LDLRAD4: variants seen among roughly 807,000 people sequenced by gnomAD.
LDLRAD4 encodes low density lipoprotein receptor class A domain containing 4, also known as low-density lipoprotein receptor class A domain-containing protein 4.
Under a neutral mutation model 17.0 loss-of-function variants are expected in LDLRAD4, and 5 were observed. The ratio of observed to expected loss-of-function variants is 0.29; its 90% CI spans 0.15 to 0.62. LDLRAD4 has a LOEUF of 0.62. Ranked by LOEUF, LDLRAD4 falls within the 20% of genes least tolerant of loss-of-function variation. The probability of loss-of-function intolerance (pLI) is 0.84; values close to 1 mark genes in which losing one functional copy is unlikely to be tolerated. For missense variants in LDLRAD4, 340 were observed against 424.7 expected (o/e 0.80, Z 1.75); for synonymous variants, 168 against 171.8 (o/e 0.98, Z 0.17).
At position 13,479,195 on chromosome 18, in the gene LDLRAD4, A is replaced by G. The variant is rs186506772; in HGVS notation, c.181+40811A>G. ...CTCCTAGAAGATAACATAGGAGAAA[A>G]TCTAGATGACCTCAGGTTTGATGGT... is the stretch of plus-strand genomic sequence containing the variant. On this transcript the variant is annotated intron_variant, in intron 3 of 5. Transcript: ENST00000359446. 5.3e-5 allele frequency among the ~76,000 whole-genome samples: 8 copies of G among 152,368 alleles called. No individual in the cohort carries two copies. In the East Asian group the frequency reaches 1.5e-3, roughly 29 times the overall value.
At chr18:13,380,355 G>C (rs942622179) in intron 1 of LDLRAD4, among the ~76,000 whole-genome samples, 29 of 152,324 alleles carry the variant, frequency 1.9e-4, no homozygotes, top group African/African-American at 6.3e-4. Flanking sequence ...CTGAGCCAGT[G>C]TCTCCTGTGG....
chr18:13,281,814 G>C (rs560650006), intron 1 of LDLRAD4, among the ~76,000 whole-genome samples: 5 of 152,302 alleles, frequency 3.3e-5, no homozygotes, highest in African/African-American at 1.2e-4. Flanking sequence ...CCCAGCATCA[G>C]GGGACTGGAT....
chr18:13,562,979 A>G (rs371681020), intron 3 of LDLRAD4: 1 of 152,362 alleles, frequency 6.6e-6, no homozygotes. Flanking sequence ...CACCCTCTAT[A>G]TAGAGACGGT....
chr18:13,619,868 C>T (rs2040451626), intron 3 of LDLRAD4, among the ~76,000 whole-genome samples: 1 of 152,148 alleles, frequency 6.6e-6, no homozygotes, highest in South Asian at 2.1e-4. Flanking sequence ...CTCTGCACAG[C>T]TCAGCCACCA....
intron 1 of LDLRAD4, among the ~76,000 whole-genome samples, chr18:13,313,971 A>G (rs1431611914): frequency 6.6e-6 from 1 of 152,162 alleles, no homozygotes; most frequent in African/African-American, 2.4e-5. Flanking sequence ...AAGCATTATT[A>G]TTTTATTGCA....
At chr18:13,223,524 C>T (rs1003057580) in intron 1 of LDLRAD4, among the ~76,000 whole-genome samples, 2 of 152,124 alleles carry the variant, frequency 1.3e-5, no homozygotes, top group African/African-American at 4.8e-5. Flanking sequence ...GCATTGTTCT[C>T]GGAGTCCGTG....
At chr18:13,282,851 A>C (rs896525595) in intron 1 of LDLRAD4, among the ~76,000 whole-genome samples, 1 of 152,246 alleles carries the variant, frequency 6.6e-6, no homozygotes, top group Non-Finnish European at 1.5e-5. Flanking sequence ...CCGCCCCTGC[A>C]GCAAACTTTT....
chr18:13,240,847 C>T (rs1338071796), intron 1 of LDLRAD4: 1 of 152,142 alleles, frequency 6.6e-6, no homozygotes, highest in Non-Finnish European at 1.5e-5. Context: ...GGAGGGATGA[C>T]AACAGATTGT....
intron 1 of LDLRAD4, among the ~76,000 whole-genome samples, chr18:13,317,721 GT>G (rs2081005394): frequency 6.6e-6 from 1 of 152,164 alleles, no homozygotes; most frequent in Non-Finnish European, 1.5e-5. Context: ...AAATGTGTAT[GT>G]TTATATTCAT....
At chr18:13,387,709 G>T (rs758303775) in exon 2 of LDLRAD4, 1 of 1,613,714 alleles carries the variant, frequency 6.2e-7, no homozygotes, top group Non-Finnish European at 8.5e-7. Context: ...GCACAGGCTT[G>T]TCCGGGGAGC....
At chr18:13,629,282 TAA>T (rs2041452754) in intron 4 of LDLRAD4, among the ~76,000 whole-genome samples, 2 of 152,248 alleles carry the variant, frequency 1.3e-5, no homozygotes, top group African/African-American at 4.8e-5. Context: ...CATTTAGAGT[TAA>T]GTCTTGTTCA....
chr18:13,375,460 T>G (rs892495581), intron 1 of LDLRAD4, among the ~76,000 whole-genome samples: 3 of 152,190 alleles, frequency 2.0e-5, no homozygotes, highest in Non-Finnish European at 4.4e-5. Context: ...GGGGAATCCC[T>G]GTGGCTCGGC....
At chr18:13,506,948 G>C (rs73954834) in intron 3 of LDLRAD4, among the ~76,000 whole-genome samples, 1 of 152,138 alleles carries the variant, frequency 6.6e-6, no homozygotes, top group Non-Finnish European at 1.5e-5. Context: ...GGAGTACCTC[G>C]CTTTACTGTG....
At chr18:13,410,586 A>G (rs2088244110) in intron 2 of LDLRAD4, among the ~76,000 whole-genome samples, 1 of 152,212 alleles carries the variant, frequency 6.6e-6, no homozygotes, top group African/African-American at 2.4e-5. Context: ...GCATTAATGG[A>G]TGGAAACATA....
chr18:13,568,718 T>G (rs1261483696), intron 3 of LDLRAD4, among the ~76,000 whole-genome samples: 1 of 152,186 alleles, frequency 6.6e-6, no homozygotes, highest in Non-Finnish European at 1.5e-5. Flanking sequence ...CCTGTGGCCT[T>G]CGTTATAATT....
intron 3 of LDLRAD4, among the ~76,000 whole-genome samples, chr18:13,529,912 GATA>G (rs2094102092): frequency 6.6e-6 from 1 of 152,182 alleles, no homozygotes; most frequent in Admixed American, 6.5e-5. Flanking sequence ...GTCATCCTCA[GATA>G]ATGTTTGCTT....
intron 1 of LDLRAD4, among the ~76,000 whole-genome samples, chr18:13,294,805 CCT>C (rs2046177140): frequency 6.7e-6 from 1 of 149,946 alleles, no homozygotes; most frequent in Admixed American, 6.6e-5. Flanking sequence ...AGTGTCACAG[CCT>C]GATATGTAAA....
chr18:13,620,182 C>T (rs2040485721), intron 3 of LDLRAD4, among the ~76,000 whole-genome samples: 1 of 152,198 alleles, frequency 6.6e-6, no homozygotes, highest in African/African-American at 2.4e-5. Context: ...TATGCCTCCC[C>T]ACTGGCCGGG....
intron 3 of LDLRAD4, among the ~76,000 whole-genome samples, chr18:13,537,196 GTAT>G (rs945676948): frequency 6.6e-6 from 1 of 152,140 alleles, no homozygotes; most frequent in Non-Finnish European, 1.5e-5. Flanking sequence ...GCATAAGGTG[GTAT>G]TATTTCCTTT....
Sources: allele counts gnomAD v4.1 joint callset (sites outside exome capture counted in the v4.1 genomes callset), GRCh38; gene constraint gnomAD v4.1.1; transcripts MANE v1.5; gene names NCBI Gene and HGNC (gene_info 2026-07-23, HGNC 2026-07-21).